Variants in NR5A1 observed in about 807,000 individuals in gnomAD.
The protein encoded by NR5A1 is steroidogenic factor 1.
NR5A1 carries 6 observed loss-of-function variants against 42.7 expected under a neutral mutation model. That is an observed-to-expected ratio of 0.14 (90% CI 0.08 to 0.28). The LOEUF (loss-of-function observed/expected upper bound fraction) is 0.28, where lower values mean the gene tolerates loss of function less well. Ranked by LOEUF, NR5A1 falls within the 10% of genes least tolerant of loss-of-function variation. NR5A1 has a pLI of 1.00. For missense variants in NR5A1, 442 were observed against 626.4 expected (o/e 0.71, Z 3.14); for synonymous variants, 274 against 277.5 (o/e 0.99, Z 0.12).
At position 124,491,199 on chromosome 9, in the gene NR5A1, C is replaced by T. The variant is rs758624846; in HGVS notation, c.1020G>A (p.Ala340=). 14 of 1,606,820 alleles carry T rather than the reference C, an allele frequency of 8.7e-6. No individual in the cohort carries two copies. Among genetic ancestry groups the T allele is most frequent in the Admixed American group, 3.4e-5 (2 of 59,664 alleles). Residue 340 remains alanine, a synonymous_variant, in exon 6 of 7, where the codon GCG becomes GCA. Coordinates refer to ENST00000373588, the MANE Select transcript of NR5A1 (RefSeq NM_004959.5). ...EVELTTVATQ[A]GSLLHSLVLR... is the part of the protein sequence containing the mutation. ...ACACCAGGCTGTGCAGCAGCGAGCC[C>T]GCCTGGGTGGCCACTGTGGTCAGCT...
chr9:124,503,007 C>A lies in NR5A1; in HGVS notation c.244+72G>T, dbSNP rs115601896. The stretch of plus-strand genomic sequence containing the variant: ...AGGCCAATGGTACTATCCCCTCAGC[C>A]CCTCTCCCACCCCCACCCCCTACCC... On this transcript the variant is annotated intron_variant, in intron 3 of 6. Coordinates refer to ENST00000373588, the MANE Select transcript of NR5A1 (RefSeq NM_004959.5). This position sits in a 1 kb window ranked among gnomAD's most constrained non-coding sequence, Gnocchi z 9.6. 0.012 allele frequency: 18,471 copies of A among 1,520,538 alleles called. 1,062 individuals are homozygous for A. The African/African-American group carries it at 0.16, about 13-fold the overall frequency. 94.2% of individuals were successfully genotyped at this position (1,520,538 alleles called of 1,614,324 possible).
intron 3 of NR5A1, among the ~76,000 whole-genome samples, chr9:124,502,477 A>T (rs1336086565): frequency 6.6e-6 from 1 of 152,090 alleles, no homozygotes; most frequent in Non-Finnish European, 1.5e-5. Context: ...CTACAGGCAC[A>T]TGTCACCACG....
intron 6 of NR5A1, among the ~76,000 whole-genome samples, chr9:124,484,104 GT>G (rs1461877952): frequency 2.0e-5 from 3 of 152,182 alleles, no homozygotes; most frequent in Non-Finnish European, 4.4e-5. Context: ...ACAATAAAGC[GT>G]TGAACATCTC....
chr9:124,498,070 C>A lies in NR5A1; in HGVS notation c.870+2020G>T, dbSNP rs542067424. ...CCCAGTGTCCAGCCCAAGGGCTGCT[C>A]CACTCTCAGAGCCAGAGAGCCCCCT... On this transcript the variant is annotated intron_variant, in intron 4 of 6. Coordinates refer to ENST00000373588, the MANE Select transcript of NR5A1 (RefSeq NM_004959.5). This position sits in a 1 kb window ranked among gnomAD's most constrained non-coding sequence, Gnocchi z 4.6. Among the ~76,000 whole-genome samples, 1 of 152,312 alleles carries A rather than the reference C, an allele frequency of 6.6e-6. No homozygotes were observed. Among genetic ancestry groups the A allele is most frequent in the South Asian group, 2.1e-4 (1 of 4,830 alleles).
chr9:124,504,696 G>T lies in NR5A1; in HGVS notation c.-15-1286C>A, dbSNP rs1324850269. On this transcript the variant is annotated intron_variant, in intron 1 of 6. Coordinates refer to ENST00000373588, the MANE Select transcript of NR5A1 (RefSeq NM_004959.5). ...CCGGCGCCCACCTGGTCGCTCCTGCGAGCAGCGCCCCGCGTCCCGCCCGCG... is the reference window on the plus strand; with the variant it reads ...CCGGCGCCCACCTGGTCGCTCCTGCTAGCAGCGCCCCGCGTCCCGCCCGCG... Among the ~76,000 whole-genome samples, 5 of 148,916 alleles carry T rather than the reference G, an allele frequency of 3.4e-5. No individual in the cohort carries two copies. In the East Asian group the frequency reaches 5.8e-4, roughly 17 times the overall value.
At chr9:124,491,960 C>T (rs1214595652) in intron 5 of NR5A1, among the ~76,000 whole-genome samples, 2 of 152,174 alleles carry the variant, frequency 1.3e-5, no homozygotes, top group Non-Finnish European at 2.9e-5. Context: ...CGGACACCCA[C>T]ACTTCATGCA....
At chr9:124,502,206 G>A (rs964851947) in intron 3 of NR5A1, among the ~76,000 whole-genome samples, 3 of 152,200 alleles carry the variant, frequency 2.0e-5, no homozygotes, top group East Asian at 1.9e-4. Context: ...GGCAATGAAC[G>A]CCTAGGCACC....
intron 6 of NR5A1, among the ~76,000 whole-genome samples, chr9:124,490,161 C>G (rs1346143560): frequency 6.6e-6 from 1 of 152,218 alleles, no homozygotes; most frequent in Non-Finnish European, 1.5e-5. Context: ...AAAACTCCTA[C>G]TCATCCTCCA....
intron 6 of NR5A1, among the ~76,000 whole-genome samples, chr9:124,485,077 A>C (rs1255878630): frequency 6.6e-6 from 1 of 151,978 alleles, no homozygotes; most frequent in Non-Finnish European, 1.5e-5. Flanking sequence ...TCCTCCCTGG[A>C]GGGGGAGAGC....
rs1366852331 is a variant in NR5A1, at chr9:124,498,991, C to T, written c.870+1099G>A. ...GAAGCCCAGGCCCGAGTGGCGTCAG[C>T]ATTGACAATGCTGCTCAAGGCTGCA... is the stretch of plus-strand genomic sequence containing the variant. On this transcript the variant is annotated intron_variant, in intron 4 of 6. Transcript: ENST00000373588. The surrounding 1 kb of genome is among the most constrained non-coding windows in gnomAD (Gnocchi z 4.6). 6.6e-6 allele frequency among the ~76,000 whole-genome samples: 1 copy of T among 152,178 alleles called. No homozygotes were observed. The highest frequency in any genetic ancestry group is 1.5e-5 in the Non-Finnish European group (1 of 68,024).
chr9:124,494,198 G>A (rs1184022256), intron 4 of NR5A1, among the ~76,000 whole-genome samples: 3 of 152,178 alleles, frequency 2.0e-5, no homozygotes, highest in African/African-American at 7.2e-5. Context: ...CGTGCCCTAT[G>A]GCAAATGCAA....
chr9:124,504,823 G>A (rs865792482), intron 1 of NR5A1, among the ~76,000 whole-genome samples: 2 of 146,476 alleles, frequency 1.4e-5, no homozygotes, highest in Non-Finnish European at 3.0e-5. Context: ...CCGGGGACGG[G>A]GAGGCGGGGG....
intron 6 of NR5A1, among the ~76,000 whole-genome samples, chr9:124,488,973 C>G (rs1237017436): frequency 6.6e-6 from 1 of 152,254 alleles, no homozygotes; most frequent in East Asian, 1.9e-4. Context: ...GAAAAAAAGG[C>G]TGATGACCAG....
At chr9:124,484,683 G>A (rs535712105) in intron 6 of NR5A1, among the ~76,000 whole-genome samples, 1 of 152,286 alleles carries the variant, frequency 6.6e-6, no homozygotes, top group Admixed American at 6.5e-5. Flanking sequence ...GAACCCGGGA[G>A]GTGGTGGTTG....
intron 4 of NR5A1, 142 bp from the exon 5 acceptor site, chr9:124,493,291 T>C: frequency 8.7e-7 from 1 of 1,153,494 alleles, no homozygotes; most frequent in South Asian, 1.8e-5. Flanking sequence ...CCCAGATGTC[T>C]AGGCTATCAA....
intron 4 of NR5A1, among the ~76,000 whole-genome samples, chr9:124,494,548 T>A (rs1832360076): frequency 6.6e-6 from 1 of 152,166 alleles, no homozygotes; most frequent in African/African-American, 2.4e-5. Context: ...ACCTGTGAGG[T>A]CTGGGGAGGC....
At chr9:124,483,703 C>G (rs904690254) in intron 6 of NR5A1, among the ~76,000 whole-genome samples, 8 of 152,246 alleles carry the variant, frequency 5.3e-5, no homozygotes, top group Non-Finnish European at 8.8e-5. Flanking sequence ...CATCCCCACT[C>G]TGCCACCATC....
chr9:124,498,526 G>A lies in NR5A1; in HGVS notation c.870+1564C>T, dbSNP rs1832419403. 6.6e-6 allele frequency among the ~76,000 whole-genome samples: 1 copy of A among 152,208 alleles called. No individual in the cohort carries two copies. Among genetic ancestry groups the A allele is most frequent in the Admixed American group, 6.5e-5 (1 of 15,290 alleles). On this transcript the variant is annotated intron_variant, in intron 4 of 6. Coordinates refer to ENST00000373588, the MANE Select transcript of NR5A1 (RefSeq NM_004959.5). The surrounding 1 kb of genome is among the most constrained non-coding windows in gnomAD (Gnocchi z 4.6). The stretch of plus-strand genomic sequence containing the variant: ...GAAGTGCCCTGCCCCTCAATCCAGG[G>A]TTCTGGAAGGCCGGGAATGCCCTGC...
chr9:124,506,161 G>A (rs12685057), intron 1 of NR5A1, among the ~76,000 whole-genome samples: 10,922 of 152,314 alleles, frequency 0.072, 1,006 homozygotes, highest in African/African-American at 0.2. Flanking sequence ...ACCGCACTCA[G>A]CTGGCTCACC....
Sources: allele counts gnomAD v4.1 joint callset (sites outside exome capture counted in the v4.1 genomes callset), GRCh38; gene constraint gnomAD v4.1.1; non-coding constraint Gnocchi (gnomAD v3.1); transcripts MANE v1.5; gene names NCBI Gene and HGNC (gene_info 2026-07-23, HGNC 2026-07-21).